The following CDH11 variants were observed in gnomAD, a reference collection of about 807,000 sequenced individuals.
CDH11 encodes cadherin-11.
A neutral mutation model predicts 67.8 loss-of-function variants in CDH11; 11 were observed. The ratio of observed to expected loss-of-function variants is 0.16; its 90% CI spans 0.10 to 0.27. The LOEUF (loss-of-function observed/expected upper bound fraction) is 0.27, where lower values mean the gene tolerates loss of function less well. Ranked by LOEUF, CDH11 falls within the 10% of genes least tolerant of loss-of-function variation. The pLI is 1.00. For synonymous variants in CDH11, 419 were observed against 400.0 expected (o/e 1.05, Z -0.57); for missense variants, 847 against 1,031.2 (o/e 0.82, Z 2.45).
chr16:65,006,331 G>A (rs1194489180), intron 2 of CDH11, among the ~76,000 whole-genome samples: 2 of 152,188 alleles, frequency 1.3e-5, no homozygotes, highest in African/African-American at 4.8e-5. Flanking sequence ...AGGAATCACT[G>A]TCATCACCTA....
At chr16:65,102,332 G>A (rs914748631) in intron 1 of CDH11, among the ~76,000 whole-genome samples, 2 of 152,184 alleles carry the variant, frequency 1.3e-5, no homozygotes, top group African/African-American at 4.8e-5. Flanking sequence ...AACAGTTGAA[G>A]AGAGTATGAG....
chr16:64,996,218 G>A (rs58004552), intron 4 of CDH11, among the ~76,000 whole-genome samples: 23,571 of 152,124 alleles, frequency 0.15, 2,381 homozygotes, highest in East Asian at 0.42. Flanking sequence ...GGCTGGGCAC[G>A]GTGGCTTATG....
intron 11 of CDH11, among the ~76,000 whole-genome samples, chr16:64,959,522 AC>A (rs1253271013): frequency 3.3e-5 from 5 of 152,200 alleles, no homozygotes; most frequent in Non-Finnish European, 5.9e-5. Context: ...TGTCTGATCT[AC>A]CAAGAAGATC....
At chr16:65,104,227 T>G (rs1234110188) in intron 1 of CDH11, among the ~76,000 whole-genome samples, 1 of 152,182 alleles carries the variant, frequency 6.6e-6, no homozygotes, top group African/African-American at 2.4e-5. Context: ...GAGGAAAGAT[T>G]CTCTTCCTTA....
chr16:65,000,238 A>T (rs916091454), intron 3 of CDH11, among the ~76,000 whole-genome samples: 1 of 152,194 alleles, frequency 6.6e-6, no homozygotes, highest in South Asian at 2.1e-4. Flanking sequence ...GTTTTCAAAC[A>T]TGAAAGTCTC....
Position 65,033,308 on chromosome 16 carries a change from T to G in CDH11, c.-173+20496A>C, listed in dbSNP as rs376594561. ...GAGAAATCACAAGCCAGTTTGCAAA[T>G]GGAGTTGTGCATATGCAAATAAAGT... is the stretch of plus-strand genomic sequence containing the variant. On this transcript the variant is annotated intron_variant, in intron 2 of 12. Coordinates refer to ENST00000268603, the MANE Select transcript of CDH11 (RefSeq NM_001797.4). Among the ~76,000 whole-genome samples, 11 of 151,056 alleles carry G rather than the reference T, an allele frequency of 7.3e-5. No individual in the cohort carries two copies. The East Asian group carries it at 1.8e-3, about 24-fold the overall frequency.
intron 1 of CDH11, among the ~76,000 whole-genome samples, chr16:65,096,770 G>A (rs1165925075): frequency 2.0e-5 from 3 of 151,804 alleles, no homozygotes; most frequent in Non-Finnish European, 4.4e-5. Context: ...AATACCTTAT[G>A]TATATATTAA....
rs2074029882 is a variant in CDH11, at chr16:65,050,091, GT to G, written c.-173+3712del. Among the ~76,000 whole-genome samples, 6 of 152,256 alleles carry G rather than the reference GT, an allele frequency of 3.9e-5. No individual in the cohort carries two copies. In the South Asian group the frequency reaches 1.2e-3, roughly 32 times the overall value. On this transcript the variant is annotated intron_variant, in intron 2 of 12. Transcript: ENST00000268603. ...ATTACTCAGCAGGATGCCAATGTGT[GT>G]ACACTTCTCTTGAGCAAAGGGCAAA...
chr16:65,112,618 A>C (rs879520750), intron 1 of CDH11, among the ~76,000 whole-genome samples: 63 of 152,318 alleles, frequency 4.1e-4, no homozygotes, highest in Admixed American at 7.8e-4. Flanking sequence ...AATGGGTTTG[A>C]AATGAATTTC....
intron 1 of CDH11, among the ~76,000 whole-genome samples, chr16:65,087,424 C>T (rs2074719548): frequency 6.6e-6 from 1 of 152,062 alleles, no homozygotes; most frequent in African/African-American, 2.4e-5. Context: ...GAGAGTCTGA[C>T]CATGGGAAGG....
intron 2 of CDH11, chr16:65,006,803 T>C (rs1338446142): frequency 6.6e-6 from 1 of 152,232 alleles, no homozygotes; most frequent in Non-Finnish European, 1.5e-5. Context: ...AATTGAATCA[T>C]GGTTGCAGGT....
At chr16:64,949,425 C>CTTTTTTTTTT (rs71143535) in intron 12 of CDH11, among the ~76,000 whole-genome samples, 1 of 106,020 alleles carries the variant, frequency 9.4e-6, no homozygotes, top group Admixed American at 1.0e-4. Flanking sequence ...TTTTTTTTTT[C>CTTTTTTTTTT]TTTTTTTTTT....
chr16:64,960,093 A>G (rs1195639925), intron 11 of CDH11, among the ~76,000 whole-genome samples: 1 of 152,204 alleles, frequency 6.6e-6, no homozygotes, highest in African/African-American at 2.4e-5. Flanking sequence ...CAAAACTAAT[A>G]CATTAGAGGG....
chr16:64,967,419 C>T (rs367712163), intron 11 of CDH11, among the ~76,000 whole-genome samples: 2 of 152,064 alleles, frequency 1.3e-5, no homozygotes, highest in East Asian at 1.9e-4. Context: ...GGGGTTTCAC[C>T]GTATTGCCCA....
At chr16:65,015,485 T>C (rs112785036) in intron 2 of CDH11, among the ~76,000 whole-genome samples, 3 of 151,524 alleles carry the variant, frequency 2.0e-5, no homozygotes, top group Non-Finnish European at 2.9e-5. Flanking sequence ...CTTCATTTTA[T>C]AGAGAAAAAG....
At chr16:65,048,918 T>G (rs1287087019) in intron 2 of CDH11, among the ~76,000 whole-genome samples, 2 of 152,024 alleles carry the variant, frequency 1.3e-5, no homozygotes, top group Non-Finnish European at 2.9e-5. Flanking sequence ...TAGATGAAGC[T>G]GGAGGCTATT....
Position 64,948,101 on chromosome 16 carries a change from T to C in CDH11, c.1895-2A>G. The C allele has an allele frequency of 6.2e-7, 1 of 1,607,502 alleles. No homozygotes were observed. Among genetic ancestry groups the C allele is most frequent in the Non-Finnish European group, 8.5e-7 (1 of 1,176,126 alleles). On this transcript the variant is annotated splice_acceptor_variant, in intron 12 of 12. Coordinates refer to ENST00000268603, the MANE Select transcript of CDH11 (RefSeq NM_001797.4). LOFTEE classifies it high-confidence loss of function. ...GGGTCACAAACAATACTACAATGACTGGAGGGAAAGAAAAAGAAGGTAAGC... is the reference window on the plus strand; with the variant it reads ...GGGTCACAAACAATACTACAATGACCGGAGGGAAAGAAAAAGAAGGTAAGC...
At position 64,988,175 on chromosome 16, in the gene CDH11, C is replaced by A; in HGVS notation, c.981G>T (p.Gly327=). Residue 327 remains glycine (G), a synonymous_variant, in exon 7 of 13, where the codon GGG becomes GGT. Transcript: ENST00000268603. The part of the protein sequence containing the change: ...EITTDYETQE[G]VIKLKKPVDF... ...AACTCACCTTTTTCAGCTTTATCAC[C>A]CCCTCCTGTGTTTCATAGTCCGTTG... is the stretch of plus-strand genomic sequence containing the variant. 6.2e-7 allele frequency: 1 copy of A among 1,609,676 alleles called. No homozygotes were observed. The highest frequency in any genetic ancestry group is 8.5e-7 in the Non-Finnish European group (1 of 1,177,882).
intron 7 of CDH11, among the ~76,000 whole-genome samples, chr16:64,983,708 T>C (rs955390551): frequency 2.6e-4 from 39 of 152,142 alleles, no homozygotes; most frequent in African/African-American, 9.4e-4. Context: ...CTTTCCATCA[T>C]CCTGGGACCC....
Sources: allele counts gnomAD v4.1 joint callset (sites outside exome capture counted in the v4.1 genomes callset), GRCh38; gene constraint gnomAD v4.1.1; transcripts MANE v1.5; gene names NCBI Gene and HGNC (gene_info 2026-07-23, HGNC 2026-07-21).